The following ARHGEF10 variants were observed in gnomAD, a reference collection of about 807,000 sequenced individuals.
ARHGEF10 encodes the protein Rho guanine nucleotide exchange factor (GEF) 10.
A neutral mutation model predicts 147.4 loss-of-function variants in ARHGEF10; 140 were observed. The ratio of observed to expected loss-of-function variants is 0.95; its 90% CI spans 0.83 to 1.09. The LOEUF is 1.09. Ranked by LOEUF, ARHGEF10 falls within the 50% of genes least tolerant of loss-of-function variation. The probability of loss-of-function intolerance (pLI) is 0.00; values close to 1 mark genes in which losing one functional copy is unlikely to be tolerated. For synonymous variants in ARHGEF10, 902 were observed against 695.8 expected (o/e 1.30, Z -4.67); for missense variants, 2,222 against 1,752.7 (o/e 1.27, Z -4.78).
chr8:1,941,686 G>T (rs929035082), intron 26 of ARHGEF10, among the ~76,000 whole-genome samples: 1 of 152,104 alleles, frequency 6.6e-6, no homozygotes, highest in Non-Finnish European at 1.5e-5. Context: ...AAAATTGGAG[G>T]CCCACACTTC....
chr8:1,835,368 G>A (rs56081892), intron 1 of ARHGEF10, among the ~76,000 whole-genome samples: 22,140 of 152,210 alleles, frequency 0.15, 1,923 homozygotes, highest in Non-Finnish European at 0.2. Context: ...AGCTGAGGCC[G>A]TGGGGGTACA....
chr8:1,864,273 T>G (rs1806393378), intron 4 of ARHGEF10, 100 bp from the exon 5 acceptor site: 1 of 1,194,884 alleles, frequency 8.4e-7, no homozygotes, highest in Non-Finnish European at 1.2e-6. Flanking sequence ...AGCCTCTGAT[T>G]GATAGGAAAG....
At chr8:1,853,640 C>T (rs1379446686) in intron 2 of ARHGEF10, among the ~76,000 whole-genome samples, 4 of 152,230 alleles carry the variant, frequency 2.6e-5, no homozygotes, top group African/African-American at 9.6e-5. Flanking sequence ...CCGCCAGGGC[C>T]CTGAGGATGG....
intron 7 of ARHGEF10, among the ~76,000 whole-genome samples, chr8:1,873,689 T>C (rs1190755455): frequency 6.9e-6 from 1 of 145,404 alleles, no homozygotes; most frequent in Non-Finnish European, 1.5e-5. Flanking sequence ...CCTCGTTTCA[T>C]TGAGCGGTGC....
At chr8:1,952,356 C>T (rs188119724) in intron 27 of ARHGEF10, among the ~76,000 whole-genome samples, 10 of 152,342 alleles carry the variant, frequency 6.6e-5, no homozygotes, top group Admixed American at 2.6e-4. Context: ...CTCACGAGCT[C>T]ACGTGCTACA....
At position 1,956,934 on chromosome 8, in the gene ARHGEF10, G is replaced by A; in HGVS notation, c.3706G>A (p.Asp1236Asn). Residue 1236 changes from aspartate to asparagine, a missense_variant, in exon 29 of 29, where the codon GAC (aspartate) becomes AAC (asparagine). Asp to Asn is a conservative substitution (Grantham distance 23). Transcript: ENST00000349830. The part of the protein sequence containing the change: ...GGAGSSLSQG[D>N]PDAAIWLGDS... ...AGCTGGTTCATCTCTGAGCCAGGGTGACCCTGACGCAGCCATCTGGTTGGG... is the reference window on the plus strand; with the variant it reads ...AGCTGGTTCATCTCTGAGCCAGGGTAACCCTGACGCAGCCATCTGGTTGGG... 2 of 1,614,186 alleles carry A rather than the reference G, an allele frequency of 1.2e-6. No homozygotes were observed. Among genetic ancestry groups the A allele is most frequent in the South Asian group, 1.1e-5 (1 of 91,086 alleles).
At chr8:1,886,897 G>C (rs573626520) in intron 11 of ARHGEF10, among the ~76,000 whole-genome samples, 6 of 152,326 alleles carry the variant, frequency 3.9e-5, no homozygotes, top group African/African-American at 1.4e-4. Context: ...GGGGCCATGT[G>C]ATCTGGGCTG....
chr8:1,852,917 A>G (rs973027732), intron 2 of ARHGEF10, among the ~76,000 whole-genome samples: 1 of 152,196 alleles, frequency 6.6e-6, no homozygotes, highest in South Asian at 2.1e-4. Flanking sequence ...GGTGACCCAC[A>G]AGGGCTGGCC....
At chr8:1,829,547 C>G (rs937038074) in intron 1 of ARHGEF10, among the ~76,000 whole-genome samples, 1 of 152,232 alleles carries the variant, frequency 6.6e-6, no homozygotes, top group African/African-American at 2.4e-5. Context: ...CACGAGAGGC[C>G]CTGACCCACG....
chr8:1,876,288 C>T (rs17829719), intron 7 of ARHGEF10: 20,674 of 496,724 alleles, frequency 0.042, 607 homozygotes, highest in East Asian at 0.086. Context: ...ATGACTGTGG[C>T]GGATGCCCAT....
intron 11 of ARHGEF10, among the ~76,000 whole-genome samples, chr8:1,889,070 T>C (rs1450163170): frequency 1.7e-5 from 1 of 60,228 alleles, no homozygotes; most frequent in Non-Finnish European, 2.9e-5. Flanking sequence ...GAGACAGTGA[T>C]TGGGGTGAGG....
chr8:1,887,680 G>A (rs1174516263), intron 11 of ARHGEF10, among the ~76,000 whole-genome samples: 1 of 151,690 alleles, frequency 6.6e-6, no homozygotes, highest in African/African-American at 2.4e-5. Flanking sequence ...GCAATGTGAG[G>A]GGTCTGTGAG....
At chr8:1,914,150 C>T (rs544986588) in intron 18 of ARHGEF10, among the ~76,000 whole-genome samples, 7 of 152,314 alleles carry the variant, frequency 4.6e-5, no homozygotes, top group South Asian at 4.1e-4. Context: ...TGAGCCCGGC[C>T]GAAGGAAGCT....
intron 17 of ARHGEF10, among the ~76,000 whole-genome samples, chr8:1,906,696 C>T (rs1476879120): frequency 1.3e-5 from 2 of 152,212 alleles, no homozygotes; most frequent in African/African-American, 4.8e-5. Flanking sequence ...TCTGACTTTG[C>T]CTCGGACTCC....
intron 28 of ARHGEF10, among the ~76,000 whole-genome samples, chr8:1,954,633 C>G (rs1815332096): frequency 6.6e-6 from 1 of 152,236 alleles, no homozygotes; most frequent in Non-Finnish European, 1.5e-5. Context: ...CTGTGACTCA[C>G]ACACTGAGCC....
chr8:1,850,976 C>T (rs949857548), intron 2 of ARHGEF10, among the ~76,000 whole-genome samples: 9 of 151,222 alleles, frequency 6.0e-5, no homozygotes, highest in Admixed American at 4.0e-4. Flanking sequence ...ATTCCAACCA[C>T]GTGACATTCT....
At position 1,824,240 on chromosome 8, in the gene ARHGEF10, C is replaced by T. The variant is rs553401243; in HGVS notation, c.-48+127C>T. 2.0e-3 allele frequency: 299 copies of T among 152,278 alleles called. 1 individual carries two copies. Among genetic ancestry groups the T allele is most frequent in the African/African-American group, 6.8e-3 (283 of 41,530 alleles). 9.4% of individuals were successfully genotyped at this position (152,278 alleles called of 1,614,324 possible). A position where few individuals can be genotyped will look rare whatever the true frequency, so the allele number is the denominator to read the frequency against. On this transcript the variant is annotated intron_variant, in intron 1 of 28. Coordinates refer to ENST00000349830, the MANE Select transcript of ARHGEF10 (RefSeq NM_014629.4). ...CGGAGGTGGCTGCGCCCCCGACCCC[C>T]TGCGCAGATGTTTCAGGGAAGGGGC...
chr8:1,864,354 A>T lies in ARHGEF10; in HGVS notation c.482-19A>T. The T allele has an allele frequency of 6.2e-7, 1 of 1,613,828 alleles. No homozygotes were observed. Among genetic ancestry groups the T allele is most frequent in the Admixed American group, 1.7e-5 (1 of 60,022 alleles). Reference sequence around the variant, plus strand: ...TTTGTCAGGCGTAAAGCAGCATCACATATTTTCTTTCCCAGCAGAAACACC... The same window carrying T: ...TTTGTCAGGCGTAAAGCAGCATCACTTATTTTCTTTCCCAGCAGAAACACC... On this transcript the variant is annotated intron_variant, in intron 4 of 28. Coordinates refer to ENST00000349830, the MANE Select transcript of ARHGEF10 (RefSeq NM_014629.4).
At chr8:1,917,038 C>T (rs1303282289) in intron 18 of ARHGEF10, among the ~76,000 whole-genome samples, 3 of 152,236 alleles carry the variant, frequency 2.0e-5, no homozygotes, top group Middle Eastern at 3.2e-3. Flanking sequence ...GGACGTTCCT[C>T]ATGATTGAAA....
Sources: allele counts gnomAD v4.1 joint callset (sites outside exome capture counted in the v4.1 genomes callset), GRCh38; gene constraint gnomAD v4.1.1; transcripts MANE v1.5; gene names NCBI Gene and HGNC (gene_info 2026-07-23, HGNC 2026-07-21).